Variants in B3GALT1 observed in about 807,000 individuals in gnomAD.
The protein encoded by B3GALT1 is beta-1,3-galactosyltransferase 1, also known as UDP-Gal:betaGlcNAc beta 1,3-galactosyltransferase, polypeptide 1.
A neutral mutation model predicts 23.2 loss-of-function variants in B3GALT1; 10 were observed. That is an observed-to-expected ratio of 0.43 (90% CI 0.27 to 0.73). The LOEUF (loss-of-function observed/expected upper bound fraction) is 0.73, where lower values mean the gene tolerates loss of function less well. Among genes scored for constraint, B3GALT1 ranks in the 30% least tolerant of loss-of-function variants. B3GALT1 has a pLI of 0.21. For missense variants in B3GALT1, 299 were observed against 405.4 expected (o/e 0.74, Z 2.25); for synonymous variants, 156 against 141.5 (o/e 1.10, Z -0.73).
chr2:167,464,363 A>G (rs1217195238), intron 1 of B3GALT1, among the ~76,000 whole-genome samples: 2 of 152,176 alleles, frequency 1.3e-5, no homozygotes, highest in East Asian at 1.9e-4. Context: ...AGTTTACCCT[A>G]TTTTAAGTAG....
chr2:167,480,572 G>C (rs1313172417), intron 1 of B3GALT1, among the ~76,000 whole-genome samples: 1 of 149,880 alleles, frequency 6.7e-6, no homozygotes, highest in Non-Finnish European at 1.5e-5. Context: ...CTTAGCCATG[G>C]TGTTGAGAAC....
intron 3 of B3GALT1, among the ~76,000 whole-genome samples, chr2:167,696,686 G>A (rs1015211538): frequency 4.6e-5 from 7 of 152,164 alleles, no homozygotes; most frequent in Middle Eastern, 3.4e-3. Context: ...AGTTAATGTA[G>A]GACAACCTCA....
chr2:167,841,081 T>G, intron 4 of B3GALT1, among the ~76,000 whole-genome samples: 1 of 149,808 alleles, frequency 6.7e-6, no homozygotes, highest in South Asian at 2.2e-4. Flanking sequence ...TGCTAGATGA[T>G]GAGTTAGTAG....
At chr2:167,816,397 A>G (rs1272949484) in intron 3 of B3GALT1, among the ~76,000 whole-genome samples, 2 of 152,130 alleles carry the variant, frequency 1.3e-5, no homozygotes, top group African/African-American at 4.8e-5. Flanking sequence ...TTAAACCTGC[A>G]TCTGCCCATG....
chr2:167,796,613 G>A (rs894454770), intron 3 of B3GALT1, among the ~76,000 whole-genome samples: 1 of 152,066 alleles, frequency 6.6e-6, no homozygotes, highest in Non-Finnish European at 1.5e-5. Flanking sequence ...GCCTGGTGTG[G>A]TGGTGCTTGC....
chr2:167,470,297 A>C (rs1037362198), intron 1 of B3GALT1, among the ~76,000 whole-genome samples: 8 of 152,186 alleles, frequency 5.3e-5, no homozygotes, highest in African/African-American at 1.9e-4. Flanking sequence ...AACACTAAAA[A>C]TCTGTTAACT....
chr2:167,736,291 A>AT (rs79956866), intron 3 of B3GALT1, among the ~76,000 whole-genome samples: 25,150 of 152,122 alleles, frequency 0.17, 2,619 homozygotes, highest in East Asian at 0.28. Context: ...TAGAAATCCT[A>AT]TTTCATTCAA....
At chr2:167,438,423 C>T (rs924688958) in intron 1 of B3GALT1, among the ~76,000 whole-genome samples, 7 of 152,178 alleles carry the variant, frequency 4.6e-5, no homozygotes, top group African/African-American at 1.7e-4. Context: ...ACTGTTTGGT[C>T]AAAGGTTGCT....
intron 3 of B3GALT1, among the ~76,000 whole-genome samples, chr2:167,723,565 G>A (rs1687265490): frequency 6.8e-6 from 1 of 146,784 alleles, no homozygotes; most frequent in African/African-American, 2.5e-5. Context: ...GTCTCACTCT[G>A]TTGCCCCCAG....
At chr2:167,610,558 C>T (rs1685041880) in intron 2 of B3GALT1, among the ~76,000 whole-genome samples, 1 of 152,018 alleles carries the variant, frequency 6.6e-6, no homozygotes, top group Non-Finnish European at 1.5e-5. Flanking sequence ...GGAACTATCA[C>T]AAAAGCAGGC....
At chr2:167,866,796 C>CA (rs1433271860) in intron 4 of B3GALT1, among the ~76,000 whole-genome samples, 4 of 152,114 alleles carry the variant, frequency 2.6e-5, no homozygotes, top group African/African-American at 9.7e-5. Context: ...AATATAATGA[C>CA]AAAAGTAGAC....
intron 1 of B3GALT1, among the ~76,000 whole-genome samples, chr2:167,475,563 C>A (rs79685058): frequency 9.9e-5 from 15 of 151,828 alleles, no homozygotes; most frequent in African/African-American, 3.6e-4. Context: ...GTTTTGCTGT[C>A]GAACTTCAAC....
intron 1 of B3GALT1, among the ~76,000 whole-genome samples, chr2:167,462,662 C>T (rs149591903): frequency 6.6e-6 from 1 of 152,124 alleles, no homozygotes; most frequent in Non-Finnish European, 1.5e-5. Flanking sequence ...AATTTTGCAT[C>T]ATTAGCTTCA....
chr2:167,605,781 C>A (rs1014887867), intron 2 of B3GALT1, among the ~76,000 whole-genome samples: 1 of 152,098 alleles, frequency 6.6e-6, no homozygotes, highest in Non-Finnish European at 1.5e-5. Flanking sequence ...CTTCTGTAAA[C>A]CTCAGAACAA....
chr2:167,857,413 G>A (rs1016400206), intron 4 of B3GALT1, among the ~76,000 whole-genome samples: 9 of 152,096 alleles, frequency 5.9e-5, no homozygotes, highest in Non-Finnish European at 1.0e-4. Context: ...AAGAGTTCAA[G>A]GCACCAGTAG....
At chr2:167,494,561 A>G (rs1246056176) in intron 2 of B3GALT1, among the ~76,000 whole-genome samples, 1 of 152,188 alleles carries the variant, frequency 6.6e-6, no homozygotes, top group Non-Finnish European at 1.5e-5. Flanking sequence ...TTATATCTAC[A>G]TAAAATAGCA....
intron 2 of B3GALT1, among the ~76,000 whole-genome samples, chr2:167,527,322 A>AT (rs1473975093): frequency 6.6e-6 from 1 of 151,462 alleles, no homozygotes; most frequent in Non-Finnish European, 1.5e-5. Context: ...TCCTTTGCCC[A>AT]TTTTTTTCCT....
intron 2 of B3GALT1, among the ~76,000 whole-genome samples, chr2:167,518,029 A>G (rs533313198): frequency 6.6e-6 from 1 of 152,052 alleles, no homozygotes; most frequent in Non-Finnish European, 1.5e-5. Flanking sequence ...TACAACAACA[A>G]CAACAACAAA....
At chr2:167,705,509 G>C (rs959932017) in intron 3 of B3GALT1, among the ~76,000 whole-genome samples, 1 of 152,068 alleles carries the variant, frequency 6.6e-6, no homozygotes, top group African/African-American at 2.4e-5. Context: ...GTGCCTTGAA[G>C]TCCATGAAAA....
Sources: gnomAD v4.1 joint callset for allele counts (sites outside exome capture counted in the v4.1 genomes callset) on GRCh38, gnomAD v4.1.1 for gene constraint, MANE v1.5 for transcripts, NCBI Gene and HGNC (gene_info 2026-07-23, HGNC 2026-07-21) for gene names.